The following NRXN3 variants were observed in gnomAD, a reference collection of about 807,000 sequenced individuals.
NRXN3 encodes the protein neurexin III.
A neutral mutation model predicts 137.6 loss-of-function variants in NRXN3; 32 were observed. The ratio of observed to expected loss-of-function variants is 0.23; its 90% CI spans 0.18 to 0.31. The LOEUF is 0.31. Among genes scored for constraint, NRXN3 ranks in the 10% least tolerant of loss-of-function variants. The pLI is 1.00. For missense variants in NRXN3, 1,574 were observed against 2,062.5 expected (o/e 0.76, Z 4.59); for synonymous variants, 798 against 784.5 (o/e 1.02, Z -0.29).
chr14:78,752,077 G>A (rs2098645383), intron 8 of NRXN3, among the ~76,000 whole-genome samples: 2 of 152,214 alleles, frequency 1.3e-5, no homozygotes, highest in Non-Finnish European at 2.9e-5. Flanking sequence ...TGGGAATTGT[G>A]TTTGTCCTTG....
intron 15 of NRXN3, among the ~76,000 whole-genome samples, chr14:79,220,062 G>A (rs925590900): frequency 2.6e-5 from 4 of 152,118 alleles, no homozygotes; most frequent in African/African-American, 9.7e-5. Context: ...GTAGTTTATA[G>A]TTACTAGCTC....
At chr14:78,927,427 C>T (rs1201646517) in intron 10 of NRXN3, among the ~76,000 whole-genome samples, 1 of 152,072 alleles carries the variant, frequency 6.6e-6, no homozygotes, top group Non-Finnish European at 1.5e-5. Context: ...TTAGAGAGTG[C>T]AGTGACAGTG....
intron 1 of NRXN3, among the ~76,000 whole-genome samples, chr14:78,209,450 C>G (rs1350994110): frequency 6.6e-6 from 1 of 152,202 alleles, no homozygotes; most frequent in Non-Finnish European, 1.5e-5. Context: ...AAAGACATGT[C>G]TGAGAACAGG....
intron 15 of NRXN3, among the ~76,000 whole-genome samples, chr14:79,320,339 G>A (rs1434634959): frequency 6.6e-6 from 1 of 152,174 alleles, no homozygotes; most frequent in Non-Finnish European, 1.5e-5. Flanking sequence ...TCTACAGTAA[G>A]TATTTACTTT....
Position 79,588,199 on chromosome 14 carries a change from T to C in NRXN3, c.3445-75579T>C, listed in dbSNP as rs2097776591. ...ATGTGCCAGTCTCATTTTCACTTTA[T>C]GTGGGCACAATGTCTCTCTAATGCT... On this transcript the variant is annotated intron_variant, in intron 16 of 20. Coordinates refer to ENST00000335750, the MANE Select transcript of NRXN3 (RefSeq NM_001330195.2). 1.3e-5 allele frequency among the ~76,000 whole-genome samples: 2 copies of C among 152,230 alleles called. 1 individual carries two copies. The highest frequency in any genetic ancestry group is 4.8e-5 in the African/African-American group (2 of 41,464).
chr14:79,144,046 G>T (rs559730896), intron 15 of NRXN3, among the ~76,000 whole-genome samples: 5 of 152,194 alleles, frequency 3.3e-5, no homozygotes, highest in Non-Finnish European at 7.3e-5. Context: ...ACACTTCATT[G>T]TTAGAAATAG....
intron 1 of NRXN3, among the ~76,000 whole-genome samples, chr14:78,196,884 G>C (rs549189357): frequency 7.9e-5 from 12 of 152,302 alleles, no homozygotes; most frequent in African/African-American, 2.2e-4. Context: ...TATTGGGGGA[G>C]CACCAACAAA....
In NRXN3 at chr14:79,148,460, C is replaced by T. The variant is rs146631510; in HGVS notation, c.3262+160319C>T. On this transcript the variant is annotated intron_variant, in intron 15 of 20. Transcript: ENST00000335750. Reference sequence around the variant, plus strand: ...ACTCGGGAGTAGGGATGTGTTTGCACTTCTAGCTCTATAGGCCCTCATGAG... The same window carrying T: ...ACTCGGGAGTAGGGATGTGTTTGCATTTCTAGCTCTATAGGCCCTCATGAG... Among the ~76,000 whole-genome samples, 61 of 152,240 alleles carry T rather than the reference C, an allele frequency of 4.0e-4. 1 individual carries two copies. The East Asian group carries it at 7.2e-3, about 18-fold the overall frequency.
intron 10 of NRXN3, among the ~76,000 whole-genome samples, chr14:78,846,378 G>A (rs1008192983): frequency 6.6e-6 from 1 of 152,070 alleles, no homozygotes; most frequent in Non-Finnish European, 1.5e-5. Context: ...CAGTTGCAAA[G>A]CTATACAATG....
At chr14:79,471,374 G>A (rs1319852103) in intron 16 of NRXN3, among the ~76,000 whole-genome samples, 1 of 152,220 alleles carries the variant, frequency 6.6e-6, no homozygotes, top group African/African-American at 2.4e-5. Flanking sequence ...ATGTGCCGAT[G>A]TGAGGTTTTG....
intron 4 of NRXN3, among the ~76,000 whole-genome samples, chr14:78,370,965 T>C (rs1275365596): frequency 6.6e-6 from 1 of 152,088 alleles, no homozygotes; most frequent in Non-Finnish European, 1.5e-5. Flanking sequence ...AAAAGTAGAT[T>C]AACCTGATTT....
At chr14:79,555,011 G>T (rs1011609459) in intron 16 of NRXN3, among the ~76,000 whole-genome samples, 1 of 152,016 alleles carries the variant, frequency 6.6e-6, no homozygotes, top group South Asian at 2.1e-4. Flanking sequence ...CAATTATCGG[G>T]GTGTCAAGAG....
intron 19 of NRXN3, among the ~76,000 whole-genome samples, chr14:79,776,138 G>A (rs957108674): frequency 2.0e-5 from 3 of 152,090 alleles, no homozygotes; most frequent in African/African-American, 4.8e-5. Context: ...TTCCACTACA[G>A]CTTTCTCTGA....
intron 15 of NRXN3, among the ~76,000 whole-genome samples, chr14:79,362,516 C>T (rs552827747): frequency 1.3e-5 from 2 of 152,072 alleles, no homozygotes; most frequent in East Asian, 1.9e-4. Context: ...TTAAATTCTG[C>T]AGGAAAAAAA....
At chr14:78,867,558 A>G (rs2099090227) in intron 10 of NRXN3, among the ~76,000 whole-genome samples, 1 of 152,144 alleles carries the variant, frequency 6.6e-6, no homozygotes, top group Non-Finnish European at 1.5e-5. Context: ...AAAGGAATCT[A>G]CTTGCCCCTT....
At chr14:78,278,387 C>G (rs2073917082) in intron 2 of NRXN3, among the ~76,000 whole-genome samples, 1 of 152,146 alleles carries the variant, frequency 6.6e-6, no homozygotes, top group Non-Finnish European at 1.5e-5. Flanking sequence ...TGATGTCTTT[C>G]CGGACAGATG....
At chr14:79,129,557 T>C (rs915589552) in intron 15 of NRXN3, among the ~76,000 whole-genome samples, 2 of 137,908 alleles carry the variant, frequency 1.5e-5, no homozygotes, top group African/African-American at 2.7e-5. Context: ...TTGTTATAAT[T>C]TCTGTTCTTT....
At chr14:79,241,990 C>T (rs1407328800) in intron 15 of NRXN3, among the ~76,000 whole-genome samples, 2 of 151,930 alleles carry the variant, frequency 1.3e-5, no homozygotes, top group African/African-American at 4.8e-5. Flanking sequence ...TCACTTGAAC[C>T]CAGGAGGCAG....
At chr14:79,706,997 C>T (rs190442783) in intron 19 of NRXN3, among the ~76,000 whole-genome samples, 10 of 152,192 alleles carry the variant, frequency 6.6e-5, no homozygotes, top group South Asian at 4.2e-4. Context: ...GGGTACCCTA[C>T]GGGTGGTGCT....
Sources: allele counts gnomAD v4.1 joint callset (sites outside exome capture counted in the v4.1 genomes callset), GRCh38; gene constraint gnomAD v4.1.1; transcripts MANE v1.5; gene names NCBI Gene and HGNC (gene_info 2026-07-23, HGNC 2026-07-21).